Variants in MUSK observed in about 807,000 individuals in gnomAD.
The protein encoded by MUSK is muscle associated receptor tyrosine kinase.
A neutral mutation model predicts 88.7 loss-of-function variants in MUSK; 55 were observed. That is an observed-to-expected ratio of 0.62 (90% CI 0.50 to 0.78). The LOEUF (loss-of-function observed/expected upper bound fraction) is 0.78. Among genes scored for constraint, MUSK ranks in the 30% least tolerant of loss-of-function variants. MUSK has a pLI of 0.00. For synonymous variants in MUSK, 387 were observed against 391.9 expected (o/e 0.99, Z 0.15); for missense variants, 1,015 against 1,074.3 (o/e 0.94, Z 0.77).
intron 12 of MUSK, among the ~76,000 whole-genome samples, 169 bp from the exon 13 acceptor site, chr9:110,785,358 C>G (rs1241263851): frequency 6.6e-6 from 1 of 152,224 alleles, no homozygotes; most frequent in Non-Finnish European, 1.5e-5. Context: ...CCTTTTGACT[C>G]TAGACCAAAC....
At chr9:110,750,426 G>A (rs1564264911) in intron 7 of MUSK, among the ~76,000 whole-genome samples, 1 of 152,068 alleles carries the variant, frequency 6.6e-6, no homozygotes, top group Admixed American at 6.6e-5. Flanking sequence ...CTTGGTTAGG[G>A]CCCAGGGGAC....
At chr9:110,767,174 G>T (rs926952996) in intron 8 of MUSK, among the ~76,000 whole-genome samples, 1 of 152,174 alleles carries the variant, frequency 6.6e-6, no homozygotes, top group African/African-American at 2.4e-5. Context: ...GACTTTCCAT[G>T]TGATGAGACA....
rs1036064199 is a variant in MUSK at position 110,676,172 on chromosome 9, A to T, written c.80-6502A>T. On this transcript the variant is annotated intron_variant, in intron 1 of 14. Transcript: ENST00000374448. ...GAAAGCAATATGTATTCATTTTTTT[A>T]AAAAATCCTGTAAGATACAGAAAAA... Among the ~76,000 whole-genome samples, 4 of 151,862 alleles carry T rather than the reference A, an allele frequency of 2.6e-5. No homozygotes were observed. The East Asian group carries it at 5.8e-4, about 22-fold the overall frequency.
intron 1 of MUSK, among the ~76,000 whole-genome samples, chr9:110,678,501 T>C (rs1174785753): frequency 1.3e-5 from 1 of 79,888 alleles, no homozygotes; most frequent in Non-Finnish European, 2.5e-5. Flanking sequence ...TTTTAAAACT[T>C]ATCTGAAAAA....
At position 110,787,789 on chromosome 9, in the gene MUSK, G is replaced by A; in HGVS notation, c.1878G>A (p.Glu626=). Residue 626 remains glutamate, a synonymous_variant, in exon 14 of 15, where the codon GAG becomes GAA. Coordinates refer to ENST00000374448, the MANE Select transcript of MUSK (RefSeq NM_005592.4). ...SADMQADFQR[E]AALMAEFDNP... ...ATATGCAAGCGGACTTTCAGAGGGA[G>A]GCAGCCCTCATGGCAGAATTTGACA... 1.2e-6 allele frequency: 2 copies of A among 1,613,664 alleles called. No individual in the cohort carries two copies. The highest frequency in any genetic ancestry group is 1.7e-6 in the Non-Finnish European group (2 of 1,179,756).
chr9:110,719,117 C>T (rs1415226705), intron 5 of MUSK, among the ~76,000 whole-genome samples: 2 of 152,048 alleles, frequency 1.3e-5, no homozygotes, highest in East Asian at 1.9e-4. Context: ...AATAGAACCT[C>T]TTTAAAGTTT....
intron 5 of MUSK, among the ~76,000 whole-genome samples, chr9:110,705,813 GT>G (rs2076590797): frequency 6.6e-6 from 1 of 152,202 alleles, no homozygotes; most frequent in Admixed American, 6.5e-5. Flanking sequence ...TTCTGGAAAG[GT>G]TAAGCCCTGT....
intron 3 of MUSK, among the ~76,000 whole-genome samples, chr9:110,691,954 C>T (rs912698983): frequency 6.6e-6 from 1 of 152,084 alleles, no homozygotes; most frequent in African/African-American, 2.4e-5. Flanking sequence ...TAGTAGATAT[C>T]CTCTGTTGCA....
Position 110,734,279 on chromosome 9 carries a change from A to G in MUSK, c.657A>G (p.Glu219=). The G allele has an allele frequency of 6.2e-7, 1 of 1,613,014 alleles. No homozygotes were observed. The highest frequency in any genetic ancestry group is 8.5e-7 in the Non-Finnish European group (1 of 1,179,386). The change falls in exon 6 of 15, where the codon GAA becomes GAG. Residue 219 remains glutamate, a synonymous_variant. Transcript: ENST00000374448. ...TTGCCAGGATCCTGCGGGCTCCTGA[A>G]TCCCACAATGTCACCTTTGGCTCCT... ...EVFARILRAP[E]SHNVTFGSFV...
intron 2 of MUSK, 55 bp from the exon 3 acceptor site, chr9:110,687,062 G>C (rs2076204924): frequency 1.3e-6 from 2 of 1,565,534 alleles, no homozygotes; most frequent in Non-Finnish European, 8.7e-7. Context: ...CATTAATCAT[G>C]GCAAAAAAAT....
chr9:110,690,045 A>G (rs1227895028), intron 3 of MUSK, among the ~76,000 whole-genome samples: 1 of 95,122 alleles, frequency 1.1e-5, no homozygotes, highest in Non-Finnish European at 1.8e-5. Context: ...ATATAAGTAT[A>G]AATATATAAA....
intron 9 of MUSK, among the ~76,000 whole-genome samples, chr9:110,773,765 T>C (rs1202625902): frequency 4.6e-5 from 7 of 152,172 alleles, no homozygotes; most frequent in Non-Finnish European, 1.0e-4. Flanking sequence ...CTCAAAACTG[T>C]GGACTCTGAC....
At chr9:110,713,078 A>G (rs555050037) in intron 5 of MUSK, among the ~76,000 whole-genome samples, 1 of 152,082 alleles carries the variant, frequency 6.6e-6, no homozygotes, top group Admixed American at 6.6e-5. Flanking sequence ...AAAATAGAGG[A>G]AAAAATTCAG....
rs1564209496 is a variant in MUSK at position 110,681,048 on chromosome 9, T to TA, written c.80-1625dup. On this transcript the variant is annotated intron_variant, in intron 1 of 14. Coordinates refer to ENST00000374448, the MANE Select transcript of MUSK (RefSeq NM_005592.4). ...TATATATTATATATTATATAATATA[T>TA]ATTATATATTATATATATAATATTA... Among the ~76,000 whole-genome samples the TA allele has an allele frequency of 1.9e-3, 61 of 31,552 alleles. 4 individuals carry two copies. The highest frequency in any genetic ancestry group is 0.016 in the African/African-American group (56 of 3,548). 20.7% of individuals were successfully genotyped at this position (31,552 alleles called of 152,430 possible).
intron 5 of MUSK, among the ~76,000 whole-genome samples, chr9:110,726,794 A>G (rs2076890554): frequency 6.6e-6 from 1 of 152,030 alleles, no homozygotes; most frequent in African/African-American, 2.4e-5. Flanking sequence ...ACTTAGAAAC[A>G]AACACATTGT....
At chr9:110,689,715 A>AGT (rs1564217834) in intron 3 of MUSK, among the ~76,000 whole-genome samples, 2 of 38,822 alleles carry the variant, frequency 5.2e-5, no homozygotes, top group East Asian at 8.0e-4. Context: ...ATATAACTAT[A>AGT]TATGTTATAT....
At chr9:110,690,459 T>TA (rs1340339448) in intron 3 of MUSK, among the ~76,000 whole-genome samples, 7 of 115,466 alleles carry the variant, frequency 6.1e-5, no homozygotes, top group Non-Finnish European at 9.6e-5. Context: ...TAAATATATA[T>TA]TTAAATATAA....
At chr9:110,678,090 T>C (rs1587881510) in intron 1 of MUSK, among the ~76,000 whole-genome samples, 1 of 152,112 alleles carries the variant, frequency 6.6e-6, no homozygotes, top group East Asian at 1.9e-4. Flanking sequence ...AGAAGCTTTC[T>C]ATACTTTATA....
At chr9:110,763,416 T>C (rs2077429967) in intron 8 of MUSK, among the ~76,000 whole-genome samples, 1 of 152,166 alleles carries the variant, frequency 6.6e-6, no homozygotes, top group African/African-American at 2.4e-5. Flanking sequence ...AAACTAAAAT[T>C]AATAAAAGTG....
Sources: allele counts gnomAD v4.1 joint callset (sites outside exome capture counted in the v4.1 genomes callset), GRCh38; gene constraint gnomAD v4.1.1; transcripts MANE v1.5; gene names NCBI Gene and HGNC (gene_info 2026-07-23, HGNC 2026-07-21).